Variants in PTAR1 observed in about 807,000 individuals in gnomAD.
PTAR1 encodes protein prenyltransferase alpha subunit repeat containing 1.
In PTAR1, 17 loss-of-function variants were observed where a neutral mutation model predicts 45.5. The observed-to-expected ratio is 0.37, with a 90% CI of 0.26 to 0.56. The LOEUF (loss-of-function observed/expected upper bound fraction) is 0.56. Among genes scored for constraint, PTAR1 ranks in the 20% least tolerant of loss-of-function variants. The pLI, the probability that PTAR1 is intolerant of heterozygous loss-of-function variation, is 0.77. For synonymous variants in PTAR1, 169 were observed against 171.3 expected, an observed-to-expected ratio of 0.99 and a Z score of 0.11; for missense variants, 391 against 476.3, an observed-to-expected ratio of 0.82 and a Z score of 1.67.
At position 69,713,721 on chromosome 9, in the gene PTAR1, A is replaced by G. The variant is rs1806300837; in HGVS notation, c.*4621T>C. 6.6e-6 allele frequency: 1 copy of G among 152,086 alleles called. No individual in the cohort carries two copies. Among genetic ancestry groups the G allele is most frequent in the African/African-American group, 2.4e-5 (1 of 41,420 alleles). The allele number at this position is 152,086 out of a possible 1,614,324, so 9.4% of individuals were successfully genotyped here. A position where few individuals can be genotyped will look rare whatever the true frequency, so the allele number is the denominator to read the frequency against. On this transcript the variant is annotated 3_prime_UTR_variant, in exon 8 of 8. Transcript: ENST00000340434. Reference sequence around the variant, plus strand: ...AGGTTTCAGGCTAATCTATTTGTGCACACACCATCCTCTAAATGGGATGCC... The same window carrying G: ...AGGTTTCAGGCTAATCTATTTGTGCGCACACCATCCTCTAAATGGGATGCC...
chr9:69,718,339 C>A lies in PTAR1; in HGVS notation c.*3G>T, dbSNP rs2134069746. The A allele has an allele frequency of 6.3e-7, 1 of 1,590,020 alleles. No individual in the cohort carries two copies. The highest frequency in any genetic ancestry group is 1.1e-5 in the South Asian group (1 of 88,280). On this transcript the variant is annotated 3_prime_UTR_variant, in exon 8 of 8. Transcript: ENST00000340434. ...GGAACCTTGTAGGACTAATTCACCT[C>A]TTTCATTGACTCAAAGTAACCAGCC...
intron 5 of PTAR1, 170 bp downstream of exon 5, chr9:69,731,969 G>A: frequency 1.7e-6 from 1 of 605,270 alleles, no homozygotes; most frequent in South Asian, 2.0e-5. Context: ...GGGAATGCAA[G>A]CTTTTTATTT....
chr9:69,753,833 G>A (rs886582184), intron 1 of PTAR1, among the ~76,000 whole-genome samples: 8 of 152,122 alleles, frequency 5.3e-5, no homozygotes, highest in African/African-American at 1.9e-4. Context: ...ATGAGAATTC[G>A]GCAAGTCACT....
intron 1 of PTAR1, among the ~76,000 whole-genome samples, chr9:69,756,329 TC>T (rs969136756): frequency 3.3e-5 from 5 of 152,174 alleles, no homozygotes; most frequent in African/African-American, 1.2e-4. Context: ...AAATTGGGTC[TC>T]CCTGTTTTTA....
chr9:69,728,418 T>A (rs1463987588), intron 5 of PTAR1, among the ~76,000 whole-genome samples: 5 of 152,332 alleles, frequency 3.3e-5, no homozygotes, highest in African/African-American at 1.2e-4. Flanking sequence ...AATGCCAAAC[T>A]GCTTTCCACA....
Position 69,759,842 on chromosome 9 carries a change from G to C in PTAR1, c.86+11C>G, listed in dbSNP as rs370534236. On this transcript the variant is annotated intron_variant, in intron 1 of 7. Transcript: ENST00000340434. ...GACGACCCTCGGAGGCGGCGGAGGC[G>C]CGCGACTCACATGTGTGGGTTCCTC... 1 of 1,516,522 alleles carries C rather than the reference G, an allele frequency of 6.6e-7. No homozygotes were observed. The highest frequency in any genetic ancestry group is 1.5e-5 in the African/African-American group (1 of 68,840). The allele number at this position is 1,516,522 out of a possible 1,614,324, so 93.9% of individuals were successfully genotyped here.
At position 69,712,174 on chromosome 9, in the gene PTAR1, G is replaced by T. The variant is rs951189034; in HGVS notation, c.*6168C>A. The T allele has an allele frequency of 6.6e-6, 1 of 152,110 alleles. No individual in the cohort carries two copies. The highest frequency in any genetic ancestry group is 1.5e-5 in the Non-Finnish European group (1 of 68,008). The allele number at this position is 152,110 out of a possible 1,614,324, so 9.4% of individuals were successfully genotyped here. A position where few individuals can be genotyped will look rare whatever the true frequency, so the allele number is the denominator to read the frequency against. On this transcript the variant is annotated 3_prime_UTR_variant, in exon 8 of 8. Coordinates refer to ENST00000340434, the MANE Select transcript of PTAR1 (RefSeq NM_001099666.2). ...TAAGCAATCTAAAGTATGCTGCATAGTACCTTGAGGAAAGTGACTGCTATA... is the reference window on the plus strand; with the variant it reads ...TAAGCAATCTAAAGTATGCTGCATATTACCTTGAGGAAAGTGACTGCTATA...
At chr9:69,754,135 G>A (rs1826655343) in intron 1 of PTAR1, among the ~76,000 whole-genome samples, 1 of 152,162 alleles carries the variant, frequency 6.6e-6, no homozygotes, top group South Asian at 2.1e-4. Context: ...TCAGACTTCT[G>A]TGTCTCATCC....
intron 5 of PTAR1, among the ~76,000 whole-genome samples, chr9:69,727,564 C>T (rs534747697): frequency 4.0e-5 from 6 of 151,202 alleles, no homozygotes; most frequent in South Asian, 2.1e-4. Flanking sequence ...ATAAATTTTA[C>T]CAGCATCACA....
intron 3 of PTAR1, among the ~76,000 whole-genome samples, chr9:69,740,409 G>GGTGT (rs146447813): frequency 9.3e-5 from 14 of 150,046 alleles, no homozygotes; most frequent in African/African-American, 2.9e-4. Context: ...TATGTATACA[G>GGTGT]GTGTGTGTGT....
chr9:69,709,899 GT>G lies in PTAR1; in HGVS notation c.*8442del, dbSNP rs1339735210. ...TTTAGTGAACGCAACTTAAAAATTT[GT>G]TAATGTAGTATAATCAGCATATCAT... is the stretch of plus-strand genomic sequence containing the variant. On this transcript the variant is annotated 3_prime_UTR_variant, in exon 8 of 8. Transcript: ENST00000340434. 2.6e-5 allele frequency: 4 copies of G among 152,066 alleles called. No individual in the cohort carries two copies. The allele number at this position is 152,066 out of a possible 1,614,324, so 9.4% of individuals were successfully genotyped here.
chr9:69,735,972 T>G (rs574251271), intron 3 of PTAR1, among the ~76,000 whole-genome samples: 2 of 150,480 alleles, frequency 1.3e-5, no homozygotes, highest in African/African-American at 4.9e-5. Flanking sequence ...ATATATATTT[T>G]TTTCTTGCAA....
At chr9:69,743,012 G>C (rs1310190050) in intron 2 of PTAR1, among the ~76,000 whole-genome samples, 1 of 151,752 alleles carries the variant, frequency 6.6e-6, no homozygotes, top group African/African-American at 2.4e-5. Context: ...ATCTATCTAG[G>C]GGCACAGTAC....
chr9:69,722,134 G>T (rs574745310), intron 6 of PTAR1, among the ~76,000 whole-genome samples: 1 of 152,290 alleles, frequency 6.6e-6, no homozygotes, highest in Admixed American at 6.5e-5. Flanking sequence ...AAAAGCAGCT[G>T]ACCAGGTCTC....
At chr9:69,759,832 C>T in intron 1 of PTAR1, 21 bp downstream of exon 1, 1 of 1,512,760 alleles carries the variant, frequency 6.6e-7, no homozygotes, top group Non-Finnish European at 8.9e-7. Context: ...CCCTCGGAGG[C>T]GGCGGAGGCG....
intron 1 of PTAR1, chr9:69,757,387 T>C (rs1423853572): frequency 6.6e-6 from 1 of 152,180 alleles, no homozygotes; most frequent in South Asian, 2.1e-4. Context: ...CAATATATTT[T>C]TGGTGAGGAA....
At chr9:69,722,306 A>T (rs139094091) in intron 6 of PTAR1, among the ~76,000 whole-genome samples, 14 of 152,354 alleles carry the variant, frequency 9.2e-5, no homozygotes, top group African/African-American at 3.4e-4. Flanking sequence ...ATCTGTATTT[A>T]TGAAGATGAA....
At chr9:69,756,965 T>C (rs1051390740) in intron 1 of PTAR1, among the ~76,000 whole-genome samples, 2 of 152,206 alleles carry the variant, frequency 1.3e-5, no homozygotes, top group African/African-American at 2.4e-5. Flanking sequence ...GACACTTCAA[T>C]TGCTCAATAG....
chr9:69,729,679 G>A (rs559253705), intron 5 of PTAR1, among the ~76,000 whole-genome samples: 1 of 152,312 alleles, frequency 6.6e-6, no homozygotes, highest in South Asian at 2.1e-4. Context: ...GAAGGTTGAA[G>A]AGGCTAAGCA....
Sources: allele counts gnomAD v4.1 joint callset (sites outside exome capture counted in the v4.1 genomes callset), GRCh38; gene constraint gnomAD v4.1.1; transcripts MANE v1.5; gene names NCBI Gene and HGNC (gene_info 2026-07-23, HGNC 2026-07-21).